Variants in ING4 observed in about 807,000 individuals in gnomAD.
ING4 encodes the protein inhibitor of growth family member 4, also known as inhibitor of growth protein 4.
Under a neutral mutation model 33.1 loss-of-function variants are expected in ING4, and 28 were observed. The observed-to-expected ratio is 0.85, with a 90% CI of 0.63 to 1.16. The LOEUF (loss-of-function observed/expected upper bound fraction) is 1.16. Ranked by LOEUF, ING4 falls within the 50% of genes most tolerant of loss-of-function variation. The pLI is 0.00. For missense variants in ING4, 247 were observed against 314.7 expected, an observed-to-expected ratio of 0.78 and a Z score of 1.63; for synonymous variants, 87 against 104.4, an observed-to-expected ratio of 0.83 and a Z score of 1.02.
At chr12:6,659,505 T>C (rs1445781068) in intron 1 of ING4, among the ~76,000 whole-genome samples, 2 of 146,318 alleles carry the variant, frequency 1.4e-5, no homozygotes, top group African/African-American at 5.1e-5. Context: ...CGACTCCATC[T>C]CAAAAACAAA....
intron 2 of ING4, among the ~76,000 whole-genome samples, chr12:6,654,383 A>C (rs1949284558): frequency 6.8e-6 from 1 of 146,550 alleles, no homozygotes; most frequent in African/African-American, 2.5e-5. Flanking sequence ...GGTTGGATGG[A>C]GTGCAGTGGC....
At chr12:6,660,146 A>G (rs34283927) in intron 1 of ING4, among the ~76,000 whole-genome samples, 5,721 of 151,946 alleles carry the variant, frequency 0.038, 391 homozygotes, top group African/African-American at 0.13. Context: ...TCTTGCCAAG[A>G]CTCCACCTAA....
intron 6 of ING4, among the ~76,000 whole-genome samples, chr12:6,652,022 G>C (rs1203639849): frequency 6.6e-6 from 1 of 151,640 alleles, no homozygotes; most frequent in Non-Finnish European, 1.5e-5. Flanking sequence ...ACTATGCTCA[G>C]CTAATTTTTG....
chr12:6,660,609 A>AAAAC (rs1163392254), intron 1 of ING4, among the ~76,000 whole-genome samples: 1 of 152,070 alleles, frequency 6.6e-6, no homozygotes, highest in South Asian at 2.1e-4. Flanking sequence ...CTCTGTCTCA[A>AAAAC]AAACAAACAA....
intron 1 of ING4, among the ~76,000 whole-genome samples, chr12:6,657,215 C>T (rs540226596): frequency 2.6e-5 from 4 of 151,240 alleles, no homozygotes; most frequent in Non-Finnish European, 5.9e-5. Context: ...TTTGGGAGGC[C>T]GAGGAGAGCA....
At chr12:6,661,584 G>A (rs1251213991) in intron 1 of ING4, among the ~76,000 whole-genome samples, 1 of 150,584 alleles carries the variant, frequency 6.6e-6, no homozygotes, top group Non-Finnish European at 1.5e-5. Flanking sequence ...ACCATGCCCA[G>A]CTAATTTTTT....
chr12:6,651,345 G>C lies in ING4; in HGVS notation c.686C>G (p.Thr229Arg), dbSNP rs1380263017. Reference protein sequence around the residue: ...EWFHFACVGLTTKPRGKWFCP... With the variant: ...EWFHFACVGLRTKPRGKWFCP... ...TTACCATTTCCCCCGAGGCTTGGTTGTCAGCCCCACACAGGCAAAATGGAA... is the reference window on the plus strand; with the variant it reads ...TTACCATTTCCCCCGAGGCTTGGTTCTCAGCCCCACACAGGCAAAATGGAA... Residue 229 changes from threonine (T) to arginine (R), a missense_variant, in exon 7 of 8, where the codon ACA becomes AGA. Thr to Arg is a moderately conservative substitution (Grantham distance 71, BLOSUM62 -1). Transcript: ENST00000341550. 2.5e-6 allele frequency: 4 copies of C among 1,614,154 alleles called. No homozygotes were observed. The highest frequency in any genetic ancestry group is 2.5e-6 in the Non-Finnish European group (3 of 1,180,022).
At position 6,653,039 on chromosome 12, in the gene ING4, G is replaced by C; in HGVS notation, c.288C>G (p.His96Gln). ...AMQTYEMVDK[H>Q]IRRLDTDLAR... ...CCAGGTCTGTGTCCAGCCGCCGAAT[G>C]TGTTTGTCCACCTGGGTGGAAAGGA... The change falls in exon 4 of 8, where the codon CAC becomes CAG. Residue 96 changes from histidine to glutamine, a missense_variant. Around this residue, in one of 3 missense-constraint regions of ING4, gnomAD observed 198 missense variants for 221.2 expected, o/e 0.89. Coordinates refer to ENST00000341550, the MANE Select transcript of ING4 (RefSeq NM_016162.4). The C allele has an allele frequency of 6.2e-7, 1 of 1,614,126 alleles. No homozygotes were observed. The highest frequency in any genetic ancestry group is 8.5e-7 in the Non-Finnish European group (1 of 1,180,002).
chr12:6,660,670 A>C (rs1358849276), intron 1 of ING4, among the ~76,000 whole-genome samples: 1 of 152,126 alleles, frequency 6.6e-6, no homozygotes, highest in Non-Finnish European at 1.5e-5. Context: ...AAATGCCTCT[A>C]CTGTTTAAAC....
At position 6,651,016 on chromosome 12, in the gene ING4, T is replaced by C; in HGVS notation, c.*179A>G. On this transcript the variant is annotated 3_prime_UTR_variant, in exon 8 of 8. Coordinates refer to ENST00000341550, the MANE Select transcript of ING4 (RefSeq NM_016162.4). ...ATACCGTTAGTGGCTGCGGCACCCC[T>C]CCCTACCAGGGTCTGATGCAGCCTC... 1 of 690,632 alleles carries C rather than the reference T, an allele frequency of 1.4e-6. No individual in the cohort carries two copies. The allele number at this position is 690,632 out of a possible 1,614,324, so 42.8% of individuals were successfully genotyped here.
chr12:6,655,660 G>A (rs1565401559), intron 2 of ING4: 2 of 1,116,398 alleles, frequency 1.8e-6, no homozygotes, highest in Non-Finnish European at 2.2e-6. Context: ...AGTTCTCAGG[G>A]AACTGTGTCC....
rs562720396 is a variant in ING4, at chr12:6,658,104, C to T, written c.38-1306G>A. Reference sequence around the variant, plus strand: ...CCTCTGGAGTAGCTGGGACCACAGGCGCGCGCCACCACACCCGACTAATTT... The same window carrying T: ...CCTCTGGAGTAGCTGGGACCACAGGTGCGCGCCACCACACCCGACTAATTT... On this transcript the variant is annotated intron_variant, in intron 1 of 7. Transcript: ENST00000341550. 3.5e-3 allele frequency among the ~76,000 whole-genome samples: 537 copies of T among 151,586 alleles called. 5 individuals are homozygous for T. Among genetic ancestry groups the T allele is most frequent in the Non-Finnish European group, 5.0e-3 (336 of 67,842 alleles).
In ING4 at chr12:6,653,321, A is replaced by C. The variant is rs752937715; in HGVS notation, c.185T>G (p.Leu62Trp). ...SARSLSSEEKLALLKQIQEAY... is the reference protein window; with the variant it reads ...SARSLSSEEKWALLKQIQEAY... ...TTCCTGGATCTGTTTGAGAAGGGCC[A>C]ATTTTTCCTCGGAGCTCAGGCTGCG... The change falls in exon 3 of 8, where the codon TTG (leucine) becomes TGG (tryptophan). Residue 62 changes from leucine (L) to tryptophan (W), a missense_variant. Around this residue, in one of 3 missense-constraint regions of ING4, gnomAD observed 198 missense variants for 221.2 expected, o/e 0.89. Coordinates refer to ENST00000341550, the MANE Select transcript of ING4 (RefSeq NM_016162.4). 6 of 1,614,016 alleles carry C rather than the reference A, an allele frequency of 3.7e-6. No individual in the cohort carries two copies. In the African/African-American group the frequency reaches 6.7e-5, roughly 18 times the overall value.
chr12:6,655,612 T>C, intron 2 of ING4: 1 of 1,129,900 alleles, frequency 8.9e-7, no homozygotes, highest in Non-Finnish European at 1.1e-6. Flanking sequence ...ACAACTGTAT[T>C]ACAAAAAAAG....
chr12:6,652,767 C>G lies in ING4; in HGVS notation c.392G>C (p.Ser131Thr). Residue 131 changes from serine (S) to threonine (T), a missense_variant and splice_region_variant, in exon 5 of 8, where the codon AGC becomes ACC. This residue lies in a region of ING4 where 198 missense variants were observed against 221.2 expected (regional missense o/e 0.89). Transcript: ENST00000341550. ...YDSSSSKGKK[S>T]RTQKEKKAAR... The stretch of plus-strand genomic sequence containing the variant: ...AGCTTTCTTCTCCTTTTGAGTCCGG[C>G]CTTCTAGGGAAGAGGGAGAAAGCCA... 6.2e-7 allele frequency: 1 copy of G among 1,613,924 alleles called. No individual in the cohort carries two copies. The highest frequency in any genetic ancestry group is 8.5e-7 in the Non-Finnish European group (1 of 1,179,952).
chr12:6,656,763 A>G lies in ING4; in HGVS notation c.73T>C (p.Phe25Leu). ...ENLPFELQRN[F>L]QLMRDLDQRT... ...TGGTCTAGGTCCCTCATGAGCTGAA[A>G]GTTTCTCTGTAATTCAAAGGGAAGG... is the stretch of plus-strand genomic sequence containing the variant. Residue 25 changes from phenylalanine (F) to leucine (L), a missense_variant, in exon 2 of 8, where the codon TTT (phenylalanine) becomes CTT (leucine). Transcript: ENST00000341550. The G allele has an allele frequency of 6.3e-7, 1 of 1,576,612 alleles. No homozygotes were observed. Among genetic ancestry groups the G allele is most frequent in the Non-Finnish European group, 8.6e-7 (1 of 1,166,570 alleles).
chr12:6,655,916 G>T (rs1325774387), intron 2 of ING4: 1 of 456,332 alleles, frequency 2.2e-6, no homozygotes, highest in Non-Finnish European at 4.4e-6. Context: ...TAATGCTTCT[G>T]TAAGTGTGAA....
intron 1 of ING4, among the ~76,000 whole-genome samples, chr12:6,660,150 C>T (rs1010596192): frequency 6.6e-6 from 1 of 152,078 alleles, no homozygotes; most frequent in African/African-American, 2.4e-5. Flanking sequence ...GCCAAGACTC[C>T]ACCTAAAACT....
chr12:6,652,293 A>ATC lies in ING4; in HGVS notation c.621_622dup (p.Met208ArgfsTer2). 6.2e-7 allele frequency: 1 copy of ATC among 1,614,048 alleles called. No homozygotes were observed. ...CACATCAGGGTTGTCACAGCCAATC[A>ATC]TCTCTCCATAGGAGACCTGGTGACA... On this transcript the variant is annotated frameshift_variant, in exon 6 of 8. Transcript: ENST00000341550. LOFTEE classifies it high-confidence loss of function.
Sources: allele counts gnomAD v4.1 joint callset (sites outside exome capture counted in the v4.1 genomes callset), GRCh38; gene constraint gnomAD v4.1.1; regional missense constraint gnomAD v4.1.1; transcripts MANE v1.5; gene names NCBI Gene and HGNC (gene_info 2026-07-23, HGNC 2026-07-21).